Variants in DYNC1I1 observed in about 807,000 individuals in gnomAD.
DYNC1I1 encodes the protein dynein cytoplasmic 1 intermediate chain 1, also known as cytoplasmic dynein 1 intermediate chain 1.
In DYNC1I1, 43 loss-of-function variants were observed where a neutral mutation model predicts 86.6. That is an observed-to-expected ratio of 0.50 (90% CI 0.39 to 0.64). The LOEUF is 0.64. DYNC1I1 is among the 30% of genes least tolerant of loss of function. The probability of loss-of-function intolerance (pLI) is 0.00; values close to 1 mark genes in which losing one functional copy is unlikely to be tolerated. For missense variants in DYNC1I1, 604 were observed against 788.8 expected (o/e 0.77, Z 2.81); for synonymous variants, 262 against 283.7 (o/e 0.92, Z 0.77).
rs570043355 is a variant in DYNC1I1, at chr7:95,861,140, T to C, written c.375-8743T>C. ...CCACACTCTGGCTTCTGATTCAAGC[T>C]CCTGCCTCTGCCACCTTATCTACCT... is the stretch of plus-strand genomic sequence containing the variant. On this transcript the variant is annotated intron_variant, in intron 5 of 16. Transcript: ENST00000447467. Among the ~76,000 whole-genome samples, 7 of 152,234 alleles carry C rather than the reference T, an allele frequency of 4.6e-5. No homozygotes were observed. The East Asian group carries it at 1.4e-3, about 29-fold the overall frequency.
chr7:96,093,973 A>G (rs1790923323), intron 16 of DYNC1I1, among the ~76,000 whole-genome samples: 1 of 152,226 alleles, frequency 6.6e-6, no homozygotes, highest in African/African-American at 2.4e-5. Context: ...TGTTATTAAC[A>G]TGCCATTTGC....
At chr7:96,067,765 C>A (rs1790037811) in intron 14 of DYNC1I1, among the ~76,000 whole-genome samples, 1 of 152,124 alleles carries the variant, frequency 6.6e-6, no homozygotes, top group Non-Finnish European at 1.5e-5. Context: ...TGAATCCTTT[C>A]TTTTGCTCCT....
chr7:95,984,684 A>G, intron 7 of DYNC1I1, 131 bp from the exon 8 acceptor site: 1 of 808,514 alleles, frequency 1.2e-6, no homozygotes, highest in African/African-American at 1.8e-5. Flanking sequence ...ATTAGCAATG[A>G]TTTGTTTCAC....
chr7:95,994,225 G>A (rs1793802182), intron 9 of DYNC1I1, among the ~76,000 whole-genome samples: 1 of 152,086 alleles, frequency 6.6e-6, no homozygotes, highest in South Asian at 2.1e-4. Context: ...AGAAATTTTG[G>A]CACAAGTTTA....
chr7:96,104,435 A>C (rs887634751), intron 16 of DYNC1I1, among the ~76,000 whole-genome samples: 7 of 152,156 alleles, frequency 4.6e-5, no homozygotes, highest in Non-Finnish European at 7.4e-5. Context: ...ACTTTCTAGT[A>C]AATCTTTGCC....
At chr7:96,078,824 G>C (rs370287690) in intron 15 of DYNC1I1, among the ~76,000 whole-genome samples, 16 of 152,222 alleles carry the variant, frequency 1.1e-4, no homozygotes, top group African/African-American at 3.8e-4. Flanking sequence ...AGAGTCTATA[G>C]TTGAATCACA....
At chr7:96,018,171 G>A (rs1794446936) in intron 10 of DYNC1I1, among the ~76,000 whole-genome samples, 1 of 152,150 alleles carries the variant, frequency 6.6e-6, no homozygotes, top group South Asian at 2.1e-4. Flanking sequence ...CTGCCATCTG[G>A]GTATGCATGA....
intron 5 of DYNC1I1, among the ~76,000 whole-genome samples, chr7:95,868,476 A>T (rs913527202): frequency 6.6e-6 from 1 of 152,218 alleles, no homozygotes; most frequent in African/African-American, 2.4e-5. Flanking sequence ...ACAATTAAGG[A>T]CAATAATATG....
intron 10 of DYNC1I1, among the ~76,000 whole-genome samples, chr7:96,000,086 C>T (rs1028756861): frequency 5.9e-5 from 9 of 152,220 alleles, no homozygotes; most frequent in Admixed American, 1.3e-4. Flanking sequence ...AAGAAAAGGG[C>T]ATCTTCTAAG....
chr7:96,010,245 C>G (rs1794243666), intron 10 of DYNC1I1, among the ~76,000 whole-genome samples: 1 of 152,090 alleles, frequency 6.6e-6, no homozygotes, highest in Non-Finnish European at 1.5e-5. Context: ...CCGGAACACC[C>G]CAGCCGCCGC....
At chr7:95,932,453 A>T (rs1210448521) in intron 6 of DYNC1I1, among the ~76,000 whole-genome samples, 5 of 152,192 alleles carry the variant, frequency 3.3e-5, no homozygotes, top group African/African-American at 1.2e-4. Flanking sequence ...CTGGGCAGGG[A>T]CTACTCTAGG....
chr7:95,938,649 T>G (rs1792114602), intron 6 of DYNC1I1, among the ~76,000 whole-genome samples: 1 of 152,134 alleles, frequency 6.6e-6, no homozygotes, highest in Non-Finnish European at 1.5e-5. Context: ...GATCATGAGG[T>G]ATGTATGGAA....
intron 1 of DYNC1I1, among the ~76,000 whole-genome samples, chr7:95,779,539 G>T (rs990739177): frequency 1.3e-5 from 2 of 152,166 alleles, no homozygotes; most frequent in Non-Finnish European, 2.9e-5. Flanking sequence ...GTGTGATCTT[G>T]CCTTCCTTTG....
rs1227517 is a variant in DYNC1I1, at chr7:95,827,848, C to T, written c.315-209C>T. 0.52 allele frequency among the ~76,000 whole-genome samples: 79,241 copies of T among 151,858 alleles called. 21,416 individuals are homozygous for T. Among genetic ancestry groups the T allele is most frequent in the African/African-American group, 0.67 (27,719 of 41,414 alleles). Reference sequence around the variant, plus strand: ...CTTTCATGAAAGCAGCCATAGCTCCCGATATTAAACAGATGTTTGCAGGAA... The same window carrying T: ...CTTTCATGAAAGCAGCCATAGCTCCTGATATTAAACAGATGTTTGCAGGAA... On this transcript the variant is annotated intron_variant, in intron 4 of 16. Coordinates refer to ENST00000447467, the MANE Select transcript of DYNC1I1 (RefSeq NM_001135556.2).
chr7:95,851,396 A>G (rs948809068), intron 5 of DYNC1I1, among the ~76,000 whole-genome samples: 1 of 152,180 alleles, frequency 6.6e-6, no homozygotes, highest in East Asian at 1.9e-4. Flanking sequence ...AACAGGGTGC[A>G]ATTTAAAACT....
Position 95,977,589 on chromosome 7 carries a change from G to T in DYNC1I1, c.568G>T (p.Glu190Ter). The change falls in exon 7 of 17, where the codon GAA becomes TAA. Residue 190 changes from glutamate to a stop codon, truncating the protein, a stop_gained. Transcript: ENST00000447467. LOFTEE classifies it high-confidence loss of function. ...SELENQDKKQ[E>*]VKEAPPRELT... The stretch of plus-strand genomic sequence containing the variant: ...ACTGGAAAATCAGGACAAAAAACAG[G>T]AAGTGAAGGAAGGTATGATATGGAA... 6.2e-7 allele frequency: 1 copy of T among 1,612,832 alleles called. No individual in the cohort carries two copies. Among genetic ancestry groups the T allele is most frequent in the Non-Finnish European group, 8.5e-7 (1 of 1,179,518 alleles).
chr7:96,087,633 A>G (rs1230570869), intron 16 of DYNC1I1, among the ~76,000 whole-genome samples: 1 of 152,236 alleles, frequency 6.6e-6, no homozygotes, highest in Non-Finnish European at 1.5e-5. Flanking sequence ...AAATTCTTCC[A>G]GTGATACCAA....
chr7:96,102,609 G>A (rs1483736269), downstream of DYNC1I1, among the ~76,000 whole-genome samples: 1 of 152,106 alleles, frequency 6.6e-6, no homozygotes. Flanking sequence ...CTACTAATTG[G>A]CATGCACAAC....
intron 11 of DYNC1I1, among the ~76,000 whole-genome samples, chr7:96,031,853 T>A (rs547739554): frequency 1.3e-5 from 2 of 152,230 alleles, no homozygotes; most frequent in South Asian, 4.2e-4. Flanking sequence ...ATAGTAACCT[T>A]CCATTTTGTG....
Sources: gnomAD v4.1 joint callset for allele counts (sites outside exome capture counted in the v4.1 genomes callset) on GRCh38, gnomAD v4.1.1 for gene constraint, MANE v1.5 for transcripts, NCBI Gene and HGNC (gene_info 2026-07-23, HGNC 2026-07-21) for gene names.